KIF24: variants seen among roughly 807,000 people sequenced by gnomAD.
KIF24 encodes the protein kinesin family member 24.
In KIF24, 81 loss-of-function variants were observed where a neutral mutation model predicts 118.9. The ratio of observed to expected loss-of-function variants is 0.68; its 90% CI spans 0.57 to 0.82. The LOEUF (loss-of-function observed/expected upper bound fraction) is 0.82, where lower values mean the gene tolerates loss of function less well. Ranked by LOEUF, KIF24 falls within the 40% of genes least tolerant of loss-of-function variation. The pLI is 0.00. For synonymous variants in KIF24, 599 were observed against 610.0 expected, an observed-to-expected ratio of 0.98 and a Z score of 0.27; for missense variants, 1,560 against 1,661.6, an observed-to-expected ratio of 0.94 and a Z score of 1.06.
chr9:34,256,078 C>T lies in KIF24; in HGVS notation c.3529G>A (p.Glu1177Lys). The change falls in exon 11 of 13, where the codon GAG (glutamate) becomes AAG (lysine). Residue 1177 changes from glutamate to lysine, a missense_variant. Physicochemically the swap from Glu to Lys is moderately conservative, Grantham distance 56. Transcript: ENST00000402558. ...CAGGAGCCATCCAGCCCCGTCTCCT[C>T]TGCATCAGCATCATACTGCTCACTA... ...MGSEQYDADA[E>K]ETGLDGSWGF... The T allele has an allele frequency of 6.2e-7, 1 of 1,613,986 alleles. No homozygotes were observed. The highest frequency in any genetic ancestry group is 8.5e-7 in the Non-Finnish European group (1 of 1,179,856).
intron 8 of KIF24, among the ~76,000 whole-genome samples, chr9:34,268,610 C>T (rs1016955783): frequency 6.7e-5 from 10 of 150,176 alleles, no homozygotes; most frequent in Non-Finnish European, 1.5e-5. Flanking sequence ...TGGGTTCAAG[C>T]GATTCTCCTG....
At chr9:34,285,748 C>T (rs529987592) in intron 6 of KIF24, among the ~76,000 whole-genome samples, 104 of 142,234 alleles carry the variant, frequency 7.3e-4, no homozygotes, top group African/African-American at 2.6e-3. Flanking sequence ...GCACTCCAGC[C>T]TAGGTGACAA....
chr9:34,261,513 T>C (rs548687986), intron 9 of KIF24, among the ~76,000 whole-genome samples: 134 of 152,364 alleles, frequency 8.8e-4, no homozygotes, highest in African/African-American at 3.0e-3. Context: ...TTTTGTGTAG[T>C]GTTTTTTTCC....
At chr9:34,331,227 A>G (rs558103514), upstream of KIF24, among the ~76,000 whole-genome samples, 1 of 152,244 alleles carries the variant, frequency 6.6e-6, no homozygotes, top group Non-Finnish European at 1.5e-5. Flanking sequence ...AGTTTAACAG[A>G]CAAGATGAAA....
chr9:34,257,747 A>C lies in KIF24; in HGVS notation c.1860T>G (p.Phe620Leu). 6.2e-7 allele frequency: 1 copy of C among 1,614,026 alleles called. No individual in the cohort carries two copies. Among genetic ancestry groups the C allele is most frequent in the Non-Finnish European group, 8.5e-7 (1 of 1,179,884 alleles). ...TACCAGAGACCTTAGGTGCAGAAGTAAAAGGAATGTTGGGTGGGTGGCTGG... is the reference window on the plus strand; with the variant it reads ...TACCAGAGACCTTAGGTGCAGAAGTCAAAGGAATGTTGGGTGGGTGGCTGG... ...PLTSHPPNIP[F>L]TSAPKVSGKR... Residue 620 changes from phenylalanine (F) to leucine (L), a missense_variant, in exon 11 of 13, where the codon TTT becomes TTG. Physicochemically the swap from Phe to Leu is conservative, Grantham distance 22 (BLOSUM62 0). Coordinates refer to ENST00000402558, the MANE Select transcript of KIF24 (RefSeq NM_194313.4).
upstream of KIF24, chr9:34,329,555 T>C (rs1030877097): frequency 6.6e-6 from 1 of 152,272 alleles, no homozygotes; most frequent in Non-Finnish European, 1.5e-5. Context: ...GCCGGTGTAC[T>C]TCAGTTTCCG....
intron 1 of KIF24, among the ~76,000 whole-genome samples, chr9:34,314,891 ATTG>A (rs1474025788): frequency 1.3e-5 from 2 of 152,232 alleles, no homozygotes; most frequent in Non-Finnish European, 2.9e-5. Flanking sequence ...TGTCCAATAT[ATTG>A]TTAATAAAGC....
chr9:34,257,551 T>C lies in KIF24; in HGVS notation c.2056A>G (p.Arg686Gly), dbSNP rs1170532032. The change falls in exon 11 of 13, where the codon AGG becomes GGG. Residue 686 changes from arginine to glycine, a missense_variant. Coordinates refer to ENST00000402558, the MANE Select transcript of KIF24 (RefSeq NM_194313.4). ...GNKTVLGWES[R>G]ASGPGEGLVR... ...AGGCCTTCTCCTGGGCCTGAGGCCC[T>C]GCTTTCCCACCCAAGGACAGTTTTG... is the stretch of plus-strand genomic sequence containing the variant. 1 of 1,613,974 alleles carries C rather than the reference T, an allele frequency of 6.2e-7. No individual in the cohort carries two copies. Among genetic ancestry groups the C allele is most frequent in the East Asian group, 2.2e-5 (1 of 44,904 alleles).
chr9:34,282,768 T>A (rs1351717382), intron 6 of KIF24: 1 of 152,052 alleles, frequency 6.6e-6, no homozygotes, highest in East Asian at 1.9e-4. Flanking sequence ...TTTAAAAAAC[T>A]GAGCGGGACG....
At chr9:34,305,013 C>T (rs1200837307) in intron 3 of KIF24, among the ~76,000 whole-genome samples, 3 of 152,234 alleles carry the variant, frequency 2.0e-5, no homozygotes, top group Admixed American at 2.0e-4. Flanking sequence ...ACTGTGTACT[C>T]TCAAATCTTA....
upstream of KIF24, among the ~76,000 whole-genome samples, chr9:34,331,149 A>C (rs909320434): frequency 6.6e-6 from 1 of 152,208 alleles, no homozygotes; most frequent in South Asian, 2.1e-4. Flanking sequence ...TCTAGTTTCT[A>C]TATTAAAAGG....
chr9:34,318,310 C>G lies in KIF24; in HGVS notation c.-25-6939G>C. 1.8e-6 allele frequency: 1 copy of G among 570,824 alleles called. No individual in the cohort carries two copies. The highest frequency in any genetic ancestry group is 3.1e-6 in the Non-Finnish European group (1 of 320,802). 35.4% of individuals were successfully genotyped at this position (570,824 alleles called of 1,614,324 possible). On this transcript the variant is annotated intron_variant, in intron 1 of 12. Transcript: ENST00000402558. The surrounding 1 kb of genome is among the most constrained non-coding windows in gnomAD (Gnocchi z 4.9). Reference sequence around the variant, plus strand: ...CGTGTCGCGGCTCGAGAGCGAGACTCCCGTCTTGGAGCCAGCCCAGCCCAA... The same window carrying G: ...CGTGTCGCGGCTCGAGAGCGAGACTGCCGTCTTGGAGCCAGCCCAGCCCAA...
intron 7 of KIF24, among the ~76,000 whole-genome samples, chr9:34,271,372 C>T (rs1835502360): frequency 6.6e-6 from 1 of 150,408 alleles, no homozygotes; most frequent in East Asian, 2.0e-4. Flanking sequence ...ATTCATTACT[C>T]AGAGGTGAAA....
intron 1 of KIF24, among the ~76,000 whole-genome samples, chr9:34,314,961 C>T (rs1306053472): frequency 6.6e-6 from 1 of 152,130 alleles, no homozygotes; most frequent in Admixed American, 6.5e-5. Context: ...AAATCTATAT[C>T]TTTGCTTATC....
At chr9:34,314,819 T>A (rs1394879867) in intron 1 of KIF24, among the ~76,000 whole-genome samples, 4 of 152,182 alleles carry the variant, frequency 2.6e-5, no homozygotes, top group Non-Finnish European at 4.4e-5. Flanking sequence ...TTTAATGAAA[T>A]AATGCTATGA....
At chr9:34,321,983 C>G (rs1462502996) in intron 1 of KIF24, among the ~76,000 whole-genome samples, 1 of 152,116 alleles carries the variant, frequency 6.6e-6, no homozygotes, top group Admixed American at 6.6e-5. Context: ...TAATCTGTAG[C>G]TGATCTAGCC....
chr9:34,286,849 A>T, intron 5 of KIF24, 145 bp from the exon 6 acceptor site: 1 of 614,750 alleles, frequency 1.6e-6, no homozygotes, highest in Non-Finnish European at 2.9e-6. Flanking sequence ...TCCCAACCCC[A>T]CCCTCCTGAC....
chr9:34,258,105 C>T, intron 10 of KIF24, 124 bp from the exon 11 acceptor site: 1 of 740,998 alleles, frequency 1.3e-6, no homozygotes, highest in African/African-American at 1.8e-5. Flanking sequence ...ATTTCTTTAT[C>T]TGGGATAGAA....
chr9:34,254,315 C>T lies in KIF24; in HGVS notation c.*65G>A. ...TGCAGGGAGGACCTGGCAGAGGCTC[C>T]TCCAGCCTGAGAGCCCAGCACAGAC... On this transcript the variant is annotated 3_prime_UTR_variant, in exon 13 of 13. Coordinates refer to ENST00000402558, the MANE Select transcript of KIF24 (RefSeq NM_194313.4). The T allele has an allele frequency of 6.7e-7, 1 of 1,497,900 alleles. No homozygotes were observed. The highest frequency in any genetic ancestry group is 2.4e-5 in the East Asian group (1 of 41,986). 92.8% of individuals were successfully genotyped at this position (1,497,900 alleles called of 1,614,324 possible). A position where few individuals can be genotyped will look rare whatever the true frequency, so the allele number is the denominator to read the frequency against.
Sources: gnomAD v4.1 joint callset for allele counts (sites outside exome capture counted in the v4.1 genomes callset) on GRCh38, gnomAD v4.1.1 for gene constraint, Gnocchi (gnomAD v3.1) non-coding constraint, MANE v1.5 for transcripts, NCBI Gene and HGNC (gene_info 2026-07-23, HGNC 2026-07-21) for gene names.